DSCAM: variants seen among roughly 807,000 people sequenced by gnomAD.
The protein encoded by DSCAM is cell adhesion molecule DSCAM.
Under a neutral mutation model 217.7 loss-of-function variants are expected in DSCAM, and 47 were observed. That is an observed-to-expected ratio of 0.22 (90% CI 0.17 to 0.28). The LOEUF is 0.28. Ranked by LOEUF, DSCAM falls within the 10% of genes least tolerant of loss-of-function variation. DSCAM has a pLI of 1.00. For synonymous variants in DSCAM, 1,056 were observed against 1,015.3 expected, an observed-to-expected ratio of 1.04 and a Z score of -0.76; for missense variants, 2,080 against 2,618.3, an observed-to-expected ratio of 0.79 and a Z score of 4.49.
At position 40,167,245 on chromosome 21, in the gene DSCAM, T is replaced by C. The variant is rs777873532; in HGVS notation, c.2991A>G (p.Ser997=). ...TCCATGTGACCCTGATGCTCTGAGATGATATAGGCTCCAGGTGAACTTCCT... is the reference window on the plus strand; with the variant it reads ...TCCATGTGACCCTGATGCTCTGAGACGATATAGGCTCCAGGTGAACTTCCT... The part of the protein sequence containing the change: ...PPQEVHLEPI[S]SQSIRVTWKA... The change falls in exon 16 of 33, where the codon TCA becomes TCG. Residue 997 remains serine (S), a synonymous_variant. Coordinates refer to ENST00000400454, the MANE Select transcript of DSCAM (RefSeq NM_001389.5). 6.2e-7 allele frequency: 1 copy of C among 1,613,662 alleles called. No individual in the cohort carries two copies. The highest frequency in any genetic ancestry group is 1.1e-5 in the South Asian group (1 of 91,060).
intron 29 of DSCAM, among the ~76,000 whole-genome samples, chr21:40,053,339 G>A (rs148020918): frequency 5.9e-4 from 90 of 152,292 alleles, no homozygotes; most frequent in African/African-American, 1.9e-3. Flanking sequence ...GCCCCGTGGC[G>A]GTCACTCGAC....
At chr21:40,133,138 C>T (rs1269983842) in intron 19 of DSCAM, among the ~76,000 whole-genome samples, 1 of 152,194 alleles carries the variant, frequency 6.6e-6, no homozygotes, top group Non-Finnish European at 1.5e-5. Flanking sequence ...TTCTCACTAC[C>T]ACGGTAGTAT....
intron 9 of DSCAM, among the ~76,000 whole-genome samples, chr21:40,306,392 G>A (rs1434367473): frequency 3.3e-5 from 5 of 151,090 alleles, no homozygotes; most frequent in Admixed American, 2.0e-4. Context: ...CTGCAAACAG[G>A]GACAATTGGA....
chr21:40,544,317 T>C (rs189201477), intron 3 of DSCAM, among the ~76,000 whole-genome samples: 2 of 152,356 alleles, frequency 1.3e-5, no homozygotes. Flanking sequence ...GCAGCTGTAC[T>C]AAGTTGAGCG....
intron 1 of DSCAM, among the ~76,000 whole-genome samples, chr21:40,801,940 T>A (rs1018343517): frequency 2.0e-5 from 3 of 152,076 alleles, no homozygotes; most frequent in Non-Finnish European, 4.4e-5. Context: ...TATGTAACTG[T>A]AGGGTCAGAG....
chr21:40,236,100 C>T (rs1172885768), intron 11 of DSCAM, among the ~76,000 whole-genome samples: 5 of 152,080 alleles, frequency 3.3e-5, no homozygotes, highest in Admixed American at 6.6e-5. Context: ...TTGTTTCTGC[C>T]GATGCAGCTG....
chr21:40,386,387 G>A (rs746761548), intron 3 of DSCAM, among the ~76,000 whole-genome samples: 13 of 152,208 alleles, frequency 8.5e-5, no homozygotes, highest in Non-Finnish European at 1.3e-4. Context: ...GGAGACCTTT[G>A]TGAATGTGAA....
chr21:40,593,469 G>C (rs983204526), intron 3 of DSCAM, among the ~76,000 whole-genome samples: 63 of 152,010 alleles, frequency 4.1e-4, no homozygotes, highest in African/African-American at 1.5e-3. Flanking sequence ...GGGTCTACAG[G>C]CATGCTCCAC....
At chr21:40,373,075 C>CA (rs1038411980) in intron 3 of DSCAM, among the ~76,000 whole-genome samples, 6 of 152,062 alleles carry the variant, frequency 3.9e-5, no homozygotes, top group African/African-American at 9.7e-5. Context: ...AGCTGAGCCG[C>CA]AAAAAACACT....
intron 3 of DSCAM, among the ~76,000 whole-genome samples, chr21:40,561,789 G>A (rs1305178508): frequency 1.0e-5 from 1 of 99,724 alleles, no homozygotes; most frequent in Admixed American, 1.3e-4. Flanking sequence ...GAGATGCAGA[G>A]GCCAACACTG....
intron 1 of DSCAM, among the ~76,000 whole-genome samples, chr21:40,744,338 G>A (rs949543311): frequency 1.6e-4 from 24 of 152,142 alleles, no homozygotes; most frequent in Non-Finnish European, 2.2e-4. Flanking sequence ...TGAGGAGACC[G>A]GCCAGCACTA....
chr21:40,481,811 C>T lies in DSCAM; in HGVS notation c.509-112566G>A, dbSNP rs2075985374. ...CTTCCTGAGCAGCTGCGTTTTGGCT[C>T]TCCATCCATAACAACCCGGAGTGGC... On this transcript the variant is annotated intron_variant, in intron 3 of 32. Coordinates refer to ENST00000400454, the MANE Select transcript of DSCAM (RefSeq NM_001389.5). 3.9e-5 allele frequency among the ~76,000 whole-genome samples: 6 copies of T among 152,296 alleles called. No homozygotes were observed. The South Asian group carries it at 1.2e-3, about 32-fold the overall frequency.
chr21:40,717,117 G>A (rs1022185766), intron 1 of DSCAM, among the ~76,000 whole-genome samples: 1 of 152,200 alleles, frequency 6.6e-6, no homozygotes, highest in Non-Finnish European at 1.5e-5. Flanking sequence ...TAAAAGTGTT[G>A]CACGATTAGG....
intron 3 of DSCAM, among the ~76,000 whole-genome samples, chr21:40,398,696 A>G (rs1037378830): frequency 1.3e-4 from 18 of 142,192 alleles, no homozygotes; most frequent in African/African-American, 4.0e-4. Context: ...GTGCAGTGGC[A>G]TGATCTCAGT....
At chr21:40,154,341 C>A (rs571593886) in intron 16 of DSCAM, among the ~76,000 whole-genome samples, 2 of 152,140 alleles carry the variant, frequency 1.3e-5, no homozygotes, top group African/African-American at 4.8e-5. Context: ...CAGCCTCAAC[C>A]ACCCCAGGCT....
At chr21:40,212,470 G>C (rs953600751) in intron 11 of DSCAM, 1 of 154,000 alleles carries the variant, frequency 6.5e-6, no homozygotes, top group Non-Finnish European at 1.5e-5. Flanking sequence ...TCTAGTTGTC[G>C]CTTGGACAGT....
At chr21:40,399,269 CACAAAACAAA>C (rs74879612) in intron 3 of DSCAM, among the ~76,000 whole-genome samples, 4,637 of 150,288 alleles carry the variant, frequency 0.031, 110 homozygotes, top group African/African-American at 0.068. Context: ...GACCCTGTCT[CACAAAACAAA>C]ACAAAACAAA....
intron 20 of DSCAM, among the ~76,000 whole-genome samples, chr21:40,100,223 A>G (rs1698792696): frequency 6.6e-6 from 1 of 152,226 alleles, no homozygotes; most frequent in Non-Finnish European, 1.5e-5. Context: ...AACAGTAGGT[A>G]GGAGAAAAAA....
intron 1 of DSCAM, among the ~76,000 whole-genome samples, chr21:40,837,632 C>T (rs2092067571): frequency 6.6e-6 from 1 of 152,224 alleles, no homozygotes; most frequent in Admixed American, 6.5e-5. Flanking sequence ...ACTTAAACAA[C>T]TTGTGAAAGG....
Sources: gnomAD v4.1 joint callset for allele counts (sites outside exome capture counted in the v4.1 genomes callset) on GRCh38, gnomAD v4.1.1 for gene constraint, MANE v1.5 for transcripts, NCBI Gene and HGNC (gene_info 2026-07-23, HGNC 2026-07-21) for gene names.